DYNC2LI1: variants seen among roughly 807,000 people sequenced by gnomAD.
The protein encoded by DYNC2LI1 is cytoplasmic dynein 2 light intermediate chain 1.
A neutral mutation model predicts 51.9 loss-of-function variants in DYNC2LI1; 45 were observed. The observed-to-expected ratio is 0.87, with a 90% confidence interval of 0.68 to 1.11. The LOEUF (loss-of-function observed/expected upper bound fraction) is 1.11, where lower values mean the gene tolerates loss of function less well. Among genes scored for constraint, DYNC2LI1 ranks in the 50% most tolerant of loss-of-function variants. DYNC2LI1 has a pLI of 0.00. For missense variants in DYNC2LI1, 490 were observed against 417.4 expected, an observed-to-expected ratio of 1.17 and a Z score of -1.51; for synonymous variants, 130 against 137.8, an observed-to-expected ratio of 0.94 and a Z score of 0.40.
At chr2:43,813,697 G>GTTTT (rs1235368677), downstream of DYNC2LI1, among the ~76,000 whole-genome samples, 1 of 91,316 alleles carries the variant, frequency 1.1e-5, no homozygotes, top group Admixed American at 1.1e-4. Flanking sequence ...TTTTTTTGGG[G>GTTTT]TTTTTTTTTT....
chr2:43,820,172 G>A, the DYNC2LI1 span: 17 of 1,523,638 alleles, frequency 1.1e-5, no homozygotes, highest in South Asian at 1.3e-4. Flanking sequence ...ACTTGCCTCT[G>A]TGAATAAATC....
At position 43,800,867 on chromosome 2, in the gene DYNC2LI1, A is replaced by G; in HGVS notation, c.681A>G (p.Leu227=). ...LMFTSKSEAL[L]LKIRGVINQL... is the part of the protein sequence containing the mutation. ...TTACCAGTAAATCAGAAGCTCTATT[A>G]CTAAAAATACGTGGAGTTATCAACC... Residue 227 remains leucine (L), a synonymous_variant, in exon 9 of 13, where the codon TTA becomes TTG. Transcript: ENST00000260605. 1 of 1,603,442 alleles carries G rather than the reference A, an allele frequency of 6.2e-7. No individual in the cohort carries two copies. The highest frequency in any genetic ancestry group is 1.1e-5 in the South Asian group (1 of 89,640).
the DYNC2LI1 span, chr2:43,824,302 C>A: frequency 6.2e-7 from 1 of 1,614,148 alleles, no homozygotes; most frequent in Non-Finnish European, 8.5e-7. Context: ...TCAGGTGTTT[C>A]ATTCTTTCAA....
At chr2:43,780,914 C>T (rs1673251032) in intron 2 of DYNC2LI1, among the ~76,000 whole-genome samples, 1 of 152,146 alleles carries the variant, frequency 6.6e-6, no homozygotes, top group African/African-American at 2.4e-5. Flanking sequence ...CACAAGACTA[C>T]AGCCACATGC....
At chr2:43,797,764 C>G (rs865973838) in intron 8 of DYNC2LI1, among the ~76,000 whole-genome samples, 13 of 152,140 alleles carry the variant, frequency 8.5e-5, no homozygotes, top group African/African-American at 2.6e-4. Flanking sequence ...ATGATCGACC[C>G]TCCTCGGCCT....
intron 2 of DYNC2LI1, among the ~76,000 whole-genome samples, chr2:43,779,171 G>A (rs560571910): frequency 6.6e-6 from 1 of 152,270 alleles, no homozygotes; most frequent in Non-Finnish European, 1.5e-5. Flanking sequence ...ACTGAGGTGA[G>A]AGGATCACTT....
At chr2:43,819,452 CTCTTTGGAGCAG>C in the DYNC2LI1 span, among the ~76,000 whole-genome samples, 1 of 150,226 alleles carries the variant, frequency 6.7e-6, no homozygotes, top group Non-Finnish European at 1.5e-5. Flanking sequence ...AGCCTTGATA[CTCTTTGGAGCAG>C]TCTTTTATCC....
At chr2:43,824,514 C>G in the DYNC2LI1 span, 1 of 1,597,848 alleles carries the variant, frequency 6.3e-7, no homozygotes, top group Non-Finnish European at 8.5e-7. Context: ...TACAGGAGTA[C>G]TGGCCATAAT....
At chr2:43,806,677 C>A (rs551305235) in intron 12 of DYNC2LI1, among the ~76,000 whole-genome samples, 1 of 152,232 alleles carries the variant, frequency 6.6e-6, no homozygotes, top group Non-Finnish European at 1.5e-5. Context: ...ATAATGATCA[C>A]TTTTATTAAG....
chr2:43,792,215 T>C (rs1460191030), intron 5 of DYNC2LI1, among the ~76,000 whole-genome samples: 1 of 152,136 alleles, frequency 6.6e-6, no homozygotes, highest in Non-Finnish European at 1.5e-5. Context: ...AATAGCACAA[T>C]AATTTTTAGA....
Position 43,809,827 on chromosome 2 carries a change from G to A in DYNC2LI1, c.*60G>A. ...TTCCAAATACAAATAAGATTATACT[G>A]TGAATTAACTATTGTGGCAATATGT... is the stretch of plus-strand genomic sequence containing the variant. On this transcript the variant is annotated 3_prime_UTR_variant, in exon 13 of 13. Transcript: ENST00000260605. 1 of 1,542,824 alleles carries A rather than the reference G, an allele frequency of 6.5e-7. No homozygotes were observed.
At chr2:43,801,588 C>A in intron 9 of DYNC2LI1, 51 bp from the exon 10 acceptor site, 1 of 1,371,368 alleles carries the variant, frequency 7.3e-7, no homozygotes, top group Non-Finnish European at 1.0e-6. Flanking sequence ...GAGAGCGTGG[C>A]AGCAAATCTA....
chr2:43,790,242 C>T (rs776234315), intron 5 of DYNC2LI1, among the ~76,000 whole-genome samples: 5 of 152,184 alleles, frequency 3.3e-5, no homozygotes, highest in South Asian at 2.1e-4. Context: ...AACCTCAAAA[C>T]GCTTGAGTGA....
chr2:43,819,906 A>G, the DYNC2LI1 span: 37 of 1,614,000 alleles, frequency 2.3e-5, no homozygotes, highest in Non-Finnish European at 2.9e-5. Flanking sequence ...TTGAATTATG[A>G]TATCTTACCT....
Position 43,776,913 on chromosome 2 carries a change from T to G in DYNC2LI1, c.126+14T>G. 4 of 1,286,834 alleles carry G rather than the reference T, an allele frequency of 3.1e-6. No homozygotes were observed. Among genetic ancestry groups the G allele is most frequent in the Non-Finnish European group, 3.3e-6 (3 of 896,310 alleles). 79.7% of individuals were successfully genotyped at this position (1,286,834 alleles called of 1,614,324 possible). A position where few individuals can be genotyped will look rare whatever the true frequency, so the allele number is the denominator to read the frequency against. On this transcript the variant is annotated intron_variant, in intron 2 of 12. Transcript: ENST00000260605. ...AGTAAAAATGGGGTAATGCTTTCTT[T>G]TTTTCAATTATTGTGATGATTTAAC...
chr2:43,826,622 A>G, the DYNC2LI1 span: 1,759 of 1,553,604 alleles, frequency 1.1e-3, 31 homozygotes, highest in South Asian at 0.018. Context: ...TTTGTACCCC[A>G]TTCAAACAGT....
chr2:43,806,163 T>C (rs1666248515), intron 12 of DYNC2LI1, among the ~76,000 whole-genome samples: 2 of 152,230 alleles, frequency 1.3e-5, no homozygotes. Flanking sequence ...ATTACAGGCA[T>C]GAGCCAGTGC....
intron 1 of DYNC2LI1, chr2:43,775,816 T>G (rs1243955976): frequency 4.0e-6 from 1 of 250,010 alleles, no homozygotes; most frequent in African/African-American, 2.4e-5. Flanking sequence ...GCCTCCTGAG[T>G]AGCTGGAGTT....
At chr2:43,827,127 C>A in the DYNC2LI1 span, among the ~76,000 whole-genome samples, 2 of 152,096 alleles carry the variant, frequency 1.3e-5, no homozygotes, top group Admixed American at 1.3e-4. Flanking sequence ...GAGTTCGAGA[C>A]CACCCTGGCC....
Sources: allele counts gnomAD v4.1 joint callset (sites outside exome capture counted in the v4.1 genomes callset), GRCh38; gene constraint gnomAD v4.1.1; transcripts MANE v1.5; gene names NCBI Gene and HGNC (gene_info 2026-07-23, HGNC 2026-07-21).